The following NDRG2 variants were observed in gnomAD, a reference collection of about 807,000 sequenced individuals.
NDRG2 encodes the protein NDRG family member 2.
Under a neutral mutation model 58.2 loss-of-function variants are expected in NDRG2, and 34 were observed. That is an observed-to-expected ratio of 0.58 (90% CI 0.44 to 0.78). The LOEUF (loss-of-function observed/expected upper bound fraction) is 0.78, where lower values mean the gene tolerates loss of function less well. Among genes scored for constraint, NDRG2 ranks in the 30% least tolerant of loss-of-function variants. The probability of loss-of-function intolerance (pLI) is 0.00; values close to 1 mark genes in which losing one functional copy is unlikely to be tolerated. For missense variants in NDRG2, 434 were observed against 471.2 expected (o/e 0.92, Z 0.73); for synonymous variants, 187 against 175.9 (o/e 1.06, Z -0.50).
chr14:21,025,542 G>T, upstream of NDRG2: 1 of 985,484 alleles, frequency 1.0e-6, no homozygotes, highest in Non-Finnish European at 1.2e-6. The surrounding 1 kb of genome is among the most constrained non-coding windows in gnomAD (Gnocchi z 5.1). Flanking sequence ...GAAAGGAGGA[G>T]GTGGGCGGGA....
chr14:21,066,298 TC>T (rs557105832), intron 1 of NDRG2, among the ~76,000 whole-genome samples: 4 of 36,674 alleles, frequency 1.1e-4, no homozygotes, highest in Non-Finnish European at 1.7e-4. Context: ...TTTATTTGGA[TC>T]TTTTTTTTTT....
intron 1 of NDRG2, among the ~76,000 whole-genome samples, chr14:21,057,254 G>C (rs1436217365): frequency 6.6e-6 from 1 of 152,082 alleles, no homozygotes; most frequent in East Asian, 1.9e-4. Flanking sequence ...GACCAACATG[G>C]AGAAACCCAG....
At chr14:21,022,789 C>T in intron 3 of NDRG2, 75 bp downstream of exon 3, 1 of 1,471,304 alleles carries the variant, frequency 6.8e-7, no homozygotes, top group South Asian at 1.2e-5. Flanking sequence ...AAGAGAGGGC[C>T]AAGCAGAGGC....
chr14:21,026,032 A>T (rs1594464152), upstream of NDRG2, among the ~76,000 whole-genome samples: 1 of 151,878 alleles, frequency 6.6e-6, no homozygotes, highest in East Asian at 2.0e-4. Context: ...CCGGCCCAGA[A>T]TAGGAGACCA....
Position 21,017,052 on chromosome 14 carries a change from T to C in NDRG2, c.*544A>G, listed in dbSNP as rs186691532. The C allele has an allele frequency of 6.6e-6, 3 of 454,482 alleles. No homozygotes were observed. Among genetic ancestry groups the C allele is most frequent in the East Asian group, 1.4e-4 (2 of 14,352 alleles). The allele number at this position is 454,482 out of a possible 1,614,324, so 28.2% of individuals were successfully genotyped here. ...ACTGCCCGCCAACTCCCATTCCAACTTCCTTTTTACACTGGATGTTTCTAT... is the reference window on the plus strand; with the variant it reads ...ACTGCCCGCCAACTCCCATTCCAACCTCCTTTTTACACTGGATGTTTCTAT... On this transcript the variant is annotated 3_prime_UTR_variant, in exon 16 of 16. Coordinates refer to ENST00000556147, the MANE Select transcript of NDRG2 (RefSeq NM_001320329.2).
At chr14:21,030,543 G>A (rs1166827934), upstream of NDRG2, 75 of 1,599,562 alleles carry the variant, frequency 4.7e-5, no homozygotes, top group Non-Finnish European at 6.2e-5. Context: ...TCACCCCCAA[G>A]TGTCTCCCAC....
At chr14:21,021,455 G>T in intron 6 of NDRG2, 2 of 319,238 alleles carry the variant, frequency 6.3e-6, no homozygotes, top group Non-Finnish European at 1.2e-5. Flanking sequence ...CACCAGGTGT[G>T]GGCATGAAGG....
chr14:21,022,070 G>A lies in NDRG2; in HGVS notation c.336C>T (p.Phe112=), dbSNP rs1401093377. 6.2e-7 allele frequency: 1 copy of A among 1,614,094 alleles called. No homozygotes were observed. The highest frequency in any genetic ancestry group is 1.1e-5 in the South Asian group (1 of 91,066). Residue 112 remains phenylalanine, a synonymous_variant, in exon 5 of 16, where the codon TTC becomes TTT. Coordinates refer to ENST00000556147, the MANE Select transcript of NDRG2 (RefSeq NM_001320329.2). ...APGMEEGAPV[F]PLGYQYPSLD... is the part of the protein sequence containing the mutation. ...AACGACCTAACTCTTACCCCAAAGG[G>A]AACACAGGGGCTCCCTCTTCCATTC... is the stretch of plus-strand genomic sequence containing the variant.
In NDRG2 at chr14:21,024,276, G is replaced by C. The variant is rs1434163053; in HGVS notation, c.-253C>G. 1.0e-6 allele frequency: 1 copy of C among 985,346 alleles called. No individual in the cohort carries two copies. The highest frequency in any genetic ancestry group is 1.2e-6 in the Non-Finnish European group (1 of 830,032). 61.0% of individuals were successfully genotyped at this position (985,346 alleles called of 1,614,324 possible). ...ACACGTCCTCTCTAGGCTCGAGCCG[G>C]AATCAATATAGGCTACAAGGGCATC... On this transcript the variant is annotated 5_prime_UTR_variant, in exon 1 of 16. Transcript: ENST00000556147.
chr14:21,059,189 G>A (rs1287179937), intron 1 of NDRG2, among the ~76,000 whole-genome samples: 1 of 152,198 alleles, frequency 6.6e-6, no homozygotes, highest in Non-Finnish European at 1.5e-5. Flanking sequence ...GTGACCCAGA[G>A]CAGGACCCTC....
At chr14:21,022,814 G>T in intron 3 of NDRG2, 50 bp downstream of exon 3, 2 of 1,590,078 alleles carry the variant, frequency 1.3e-6, no homozygotes, top group Non-Finnish European at 1.7e-6. Flanking sequence ...CTTCTACTGG[G>T]GAAGAGGACA....
intron 7 of NDRG2, 84 bp from the exon 8 acceptor site, chr14:21,020,666 C>T: frequency 6.3e-7 from 1 of 1,576,212 alleles, no homozygotes; most frequent in Non-Finnish European, 8.7e-7. Context: ...TCCTGGACTC[C>T]CACAGGGCCT....
intron 1 of NDRG2, among the ~76,000 whole-genome samples, chr14:21,036,661 C>G (rs938422161): frequency 5.3e-5 from 8 of 152,158 alleles, no homozygotes; most frequent in Admixed American, 3.3e-4. Flanking sequence ...CCACCTTGTC[C>G]CCCACCTCCT....
At chr14:21,020,426 A>G (rs1359193071) in intron 8 of NDRG2, 70 bp downstream of exon 8, 4 of 1,258,976 alleles carry the variant, frequency 3.2e-6, no homozygotes, top group Non-Finnish European at 4.6e-6. Context: ...TAGGCTATCT[A>G]CCAGAGCCTA....
chr14:21,043,022 CCTTCTGCTG>C (rs1238024181), intron 1 of NDRG2: 1 of 1,613,990 alleles, frequency 6.2e-7, no homozygotes, highest in Non-Finnish European at 8.5e-7. Flanking sequence ...GATTCTGCCC[CCTTCTGCTG>C]CTTCTGCTGC....
intron 1 of NDRG2, chr14:21,023,602 C>T: frequency 2.4e-6 from 1 of 413,928 alleles, no homozygotes; most frequent in Non-Finnish European, 4.5e-6. Context: ...CCTCCTCTGC[C>T]CTGGACCAAA....
In NDRG2 at chr14:21,024,246, A is replaced by C. The variant is rs1882503744; in HGVS notation, c.-223T>G. 4 of 985,376 alleles carry C rather than the reference A, an allele frequency of 4.1e-6. No individual in the cohort carries two copies. In the South Asian group the frequency reaches 1.9e-4, roughly 46 times the overall value. 61.0% of individuals were successfully genotyped at this position (985,376 alleles called of 1,614,324 possible). On this transcript the variant is annotated 5_prime_UTR_variant, in exon 1 of 16. Coordinates refer to ENST00000556147, the MANE Select transcript of NDRG2 (RefSeq NM_001320329.2). Reference sequence around the variant, plus strand: ...CCAGTGTCTGTCTACCCCTAAGTCCAGAGAACACGTCCTCTCTAGGCTCGA... The same window carrying C: ...CCAGTGTCTGTCTACCCCTAAGTCCCGAGAACACGTCCTCTCTAGGCTCGA...
At chr14:21,040,295 C>T (rs192561676) in intron 1 of NDRG2, among the ~76,000 whole-genome samples, 6 of 152,256 alleles carry the variant, frequency 3.9e-5, no homozygotes, top group Non-Finnish European at 8.8e-5. Flanking sequence ...TTTCTCATCT[C>T]CAGCACCACT....
In NDRG2 at chr14:21,019,713, T is replaced by C; in HGVS notation, c.642A>G (p.Ile214Met). The change falls in exon 10 of 16, where the codon ATA (isoleucine) becomes ATG (methionine). Residue 214 changes from isoleucine to methionine, a missense_variant. By Grantham distance (10) the Ile-to-Met change is conservative. Coordinates refer to ENST00000556147, the MANE Select transcript of NDRG2 (RefSeq NM_001320329.2). Reference sequence around the variant, plus strand: ...GTGTAATGATATTTCTGTACTTTTGTATCAACTCAGAATTTCCAGAGAGCT... The same window carrying C: ...GTGTAATGATATTTCTGTACTTTTGCATCAACTCAGAATTTCCAGAGAGCT... ...QEELSGNSEL[I>M]QKYRNIITHA... 1.2e-6 allele frequency: 2 copies of C among 1,613,686 alleles called. No homozygotes were observed. Among genetic ancestry groups the C allele is most frequent in the Non-Finnish European group, 1.7e-6 (2 of 1,179,562 alleles).
Sources: gnomAD v4.1 joint callset for allele counts (sites outside exome capture counted in the v4.1 genomes callset) on GRCh38, gnomAD v4.1.1 for gene constraint, Gnocchi (gnomAD v3.1) non-coding constraint, MANE v1.5 for transcripts, NCBI Gene and HGNC (gene_info 2026-07-23, HGNC 2026-07-21) for gene names.